The following SNTG2 variants were observed in gnomAD, a reference collection of about 807,000 sequenced individuals.
The protein encoded by SNTG2 is syntrophin gamma 2, also known as gamma-2-syntrophin.
SNTG2 carries 74 observed loss-of-function variants against 70.9 expected under a neutral mutation model. That is an observed-to-expected ratio of 1.04 (90% confidence interval 0.86 to 1.27). SNTG2 has a LOEUF of 1.27. Among genes scored for constraint, SNTG2 ranks in the 50% most tolerant of loss-of-function variants. The pLI is 0.00. For missense variants in SNTG2, 717 were observed against 690.7 expected (o/e 1.04, Z -0.43); for synonymous variants, 278 against 273.8 (o/e 1.02, Z -0.15).
chr2:1,091,715 A>G (rs1019954662), intron 2 of SNTG2, among the ~76,000 whole-genome samples: 1 of 152,220 alleles, frequency 6.6e-6, no homozygotes, highest in African/African-American at 2.4e-5. Context: ...GTGGAATACT[A>G]TGGAATCATT....
At chr2:1,355,873 C>T (rs1248941380) in intron 16 of SNTG2, among the ~76,000 whole-genome samples, 5 of 152,212 alleles carry the variant, frequency 3.3e-5, no homozygotes, top group Admixed American at 2.6e-4. Flanking sequence ...TGTGTTTTTA[C>T]AGCAGTTATC....
At chr2:1,260,185 G>A (rs1302167315) in intron 13 of SNTG2, among the ~76,000 whole-genome samples, 1 of 152,218 alleles carries the variant, frequency 6.6e-6, no homozygotes, top group Non-Finnish European at 1.5e-5. Context: ...AAAGTTAGAA[G>A]TTTTGAATAA....
At chr2:1,297,492 C>T (rs141852298) in intron 14 of SNTG2, among the ~76,000 whole-genome samples, 6 of 152,086 alleles carry the variant, frequency 3.9e-5, no homozygotes, top group East Asian at 3.9e-4. Context: ...CTGCCCAGCC[C>T]GGCGCCTCTG....
intron 1 of SNTG2, among the ~76,000 whole-genome samples, chr2:1,051,845 T>C (rs1343271991): frequency 6.6e-6 from 1 of 152,202 alleles, no homozygotes; most frequent in Non-Finnish European, 1.5e-5. Flanking sequence ...CCAGAAGCAC[T>C]CAGCTGGGCT....
rs1331729986 is a variant in SNTG2 at position 1,152,504 on chromosome 2, G to C, written c.412-13044G>C. Among the ~76,000 whole-genome samples, 5 of 152,160 alleles carry C rather than the reference G, an allele frequency of 3.3e-5. No homozygotes were observed. In the East Asian group the frequency reaches 9.7e-4, roughly 29 times the overall value. ...GCATGTGCATGGATGCGTATATTCGGTGTGTGTGTACATGTGTGTGCATGT... is the reference window on the plus strand; with the variant it reads ...GCATGTGCATGGATGCGTATATTCGCTGTGTGTGTACATGTGTGTGCATGT... On this transcript the variant is annotated intron_variant, in intron 6 of 16. Coordinates refer to ENST00000308624, the MANE Select transcript of SNTG2 (RefSeq NM_018968.4).
intron 8 of SNTG2, among the ~76,000 whole-genome samples, chr2:1,181,467 G>C (rs1466583459): frequency 1.3e-5 from 2 of 152,158 alleles, no homozygotes; most frequent in African/African-American, 2.4e-5. Context: ...GCCTGATGGA[G>C]CAAAAAGCAA....
chr2:1,006,263 T>C (rs1659568009), intron 1 of SNTG2, among the ~76,000 whole-genome samples: 1 of 151,834 alleles, frequency 6.6e-6, no homozygotes, highest in Non-Finnish European at 1.5e-5. Context: ...TATACATATG[T>C]AACTAACCTG....
Position 1,295,361 on chromosome 2 carries a change from T to C in SNTG2, c.1285-13133T>C, listed in dbSNP as rs546374961. On this transcript the variant is annotated intron_variant, in intron 14 of 16. Coordinates refer to ENST00000308624, the MANE Select transcript of SNTG2 (RefSeq NM_018968.4). ...CAGAATAATTTTTTCCAACAGGTGC[T>C]GAAACTTGTATAGGGAGAGTACCTT... 4.5e-3 allele frequency among the ~76,000 whole-genome samples: 680 copies of C among 152,354 alleles called. 6 individuals are homozygous for C. Among genetic ancestry groups the C allele is most frequent in the African/African-American group, 0.015 (638 of 41,578 alleles).
At chr2:1,226,115 C>T (rs1675759178) in intron 9 of SNTG2, among the ~76,000 whole-genome samples, 1 of 152,122 alleles carries the variant, frequency 6.6e-6, no homozygotes, top group Non-Finnish European at 1.5e-5. Context: ...TTCTATTGAC[C>T]AATACCAAAT....
At chr2:1,184,736 A>G (rs867636240) in intron 8 of SNTG2, among the ~76,000 whole-genome samples, 1 of 152,200 alleles carries the variant, frequency 6.6e-6, no homozygotes, top group Admixed American at 6.5e-5. Flanking sequence ...ATCACCTCCC[A>G]TCAGGCCCTT....
intron 8 of SNTG2, among the ~76,000 whole-genome samples, chr2:1,182,400 C>A (rs1671975712): frequency 6.9e-6 from 1 of 145,106 alleles, no homozygotes; most frequent in Non-Finnish European, 1.5e-5. Context: ...AGACTCTGGT[C>A]ATTGTAACTA....
chr2:1,031,534 T>A (rs199728401), intron 1 of SNTG2, among the ~76,000 whole-genome samples: 9,532 of 47,502 alleles, frequency 0.2, 813 homozygotes, highest in East Asian at 0.58. Flanking sequence ...ATATATTTTT[T>A]TTTTTTTTTT....
At chr2:1,348,643 G>T (rs548867712) in intron 16 of SNTG2, among the ~76,000 whole-genome samples, 13 of 152,168 alleles carry the variant, frequency 8.5e-5, no homozygotes, top group Non-Finnish European at 1.6e-4. Flanking sequence ...GTATTTGATT[G>T]AAGTCTGCTG....
chr2:1,002,304 A>G (rs540336314), intron 1 of SNTG2, among the ~76,000 whole-genome samples: 53 of 152,338 alleles, frequency 3.5e-4, no homozygotes, highest in Non-Finnish European at 6.0e-4. Flanking sequence ...CAAAATTGAC[A>G]TAGTGAACAG....
At chr2:984,862 AT>A (rs997521805) in intron 1 of SNTG2, among the ~76,000 whole-genome samples, 1 of 152,192 alleles carries the variant, frequency 6.6e-6, no homozygotes, top group Admixed American at 6.5e-5. Context: ...TCTAATGCTT[AT>A]TTTATTGGGG....
At chr2:1,291,802 T>C (rs1385170748) in intron 14 of SNTG2, among the ~76,000 whole-genome samples, 2 of 152,184 alleles carry the variant, frequency 1.3e-5, no homozygotes, top group African/African-American at 4.8e-5. Context: ...GTTTTTAAGA[T>C]TGTTTTGGCT....
chr2:1,350,938 C>G (rs999595664), intron 16 of SNTG2, among the ~76,000 whole-genome samples: 5 of 151,882 alleles, frequency 3.3e-5, no homozygotes, highest in African/African-American at 1.2e-4. Context: ...CAGAAAATGT[C>G]TTCCCAATTC....
intron 11 of SNTG2, 91 bp from the exon 12 acceptor site, chr2:1,247,236 A>G (rs1677482475): frequency 1.3e-6 from 1 of 756,340 alleles, no homozygotes; most frequent in Non-Finnish European, 2.3e-6. Flanking sequence ...TGTTGACCTG[A>G]TGGGATCATG....
intron 4 of SNTG2, chr2:1,103,325 A>C (rs1665903051): frequency 4.0e-6 from 1 of 252,170 alleles, no homozygotes; most frequent in Non-Finnish European, 8.3e-6. Flanking sequence ...ATCAATCACA[A>C]ATTTTAATTC....
Sources: allele counts gnomAD v4.1 joint callset (sites outside exome capture counted in the v4.1 genomes callset), GRCh38; gene constraint gnomAD v4.1.1; transcripts MANE v1.5; gene names NCBI Gene and HGNC (gene_info 2026-07-23, HGNC 2026-07-21).